MPPED2: variants seen among roughly 807,000 people sequenced by gnomAD.
The protein encoded by MPPED2 is metallophosphoesterase domain containing 2.
MPPED2 carries 5 observed loss-of-function variants against 33.0 expected under a neutral mutation model. The observed-to-expected ratio is 0.15, with a 90% CI of 0.08 to 0.32. The LOEUF (loss-of-function observed/expected upper bound fraction) is 0.32, where lower values mean the gene tolerates loss of function less well. Among genes scored for constraint, MPPED2 ranks in the 10% least tolerant of loss-of-function variants. The probability of loss-of-function intolerance (pLI) is 1.00; values close to 1 mark genes in which losing one functional copy is unlikely to be tolerated. For synonymous variants in MPPED2, 136 were observed against 141.9 expected (o/e 0.96, Z 0.29); for missense variants, 275 against 372.1 (o/e 0.74, Z 2.15).
intron 4 of MPPED2, among the ~76,000 whole-genome samples, chr11:30,440,314 C>T (rs1344290818): frequency 2.7e-5 from 4 of 147,826 alleles, no homozygotes; most frequent in Non-Finnish European, 6.0e-5. Context: ...TGGGTGACAG[C>T]GTGAGACTCC....
At chr11:30,501,587 C>T (rs1343665264) in intron 3 of MPPED2, 3 of 970,284 alleles carry the variant, frequency 3.1e-6, no homozygotes, top group Non-Finnish European at 3.7e-6. Context: ...AGTGGCCTCT[C>T]ATTCATGAAT....
intron 2 of MPPED2, among the ~76,000 whole-genome samples, chr11:30,552,560 T>C (rs544955304): frequency 5.9e-5 from 9 of 152,328 alleles, no homozygotes; most frequent in African/African-American, 2.2e-4. Context: ...CAAAATGTTA[T>C]ATTCTGGGTT....
chr11:30,391,191 G>A (rs1348047465), intron 6 of MPPED2, among the ~76,000 whole-genome samples: 2 of 152,134 alleles, frequency 1.3e-5, no homozygotes, highest in Non-Finnish European at 2.9e-5. Flanking sequence ...AGGCCCAGTG[G>A]CTTTGGGCCC....
chr11:30,419,863 G>GT (rs1948535241), intron 4 of MPPED2, among the ~76,000 whole-genome samples: 1 of 152,166 alleles, frequency 6.6e-6, no homozygotes, highest in Non-Finnish European at 1.5e-5. Flanking sequence ...AGAGAGGACT[G>GT]TAATGATGTT....
chr11:30,567,500 T>C (rs1956498345), intron 2 of MPPED2, among the ~76,000 whole-genome samples: 1 of 152,156 alleles, frequency 6.6e-6, no homozygotes, highest in Admixed American at 6.6e-5. Context: ...GGTGCTTTTT[T>C]TCCAGCTCCC....
At chr11:30,465,405 A>G (rs1306535323) in intron 4 of MPPED2, among the ~76,000 whole-genome samples, 1 of 152,146 alleles carries the variant, frequency 6.6e-6, no homozygotes, top group Non-Finnish European at 1.5e-5. Context: ...CTCCCAACTC[A>G]GCTTCCTGAA....
chr11:30,402,101 T>C (rs894529618), intron 6 of MPPED2, among the ~76,000 whole-genome samples: 9 of 152,120 alleles, frequency 5.9e-5, no homozygotes, highest in Middle Eastern at 3.2e-3. Context: ...CTCTACTGAA[T>C]TGCTTTTAAC....
intron 6 of MPPED2, among the ~76,000 whole-genome samples, chr11:30,400,602 A>G (rs750697520): frequency 1.3e-5 from 2 of 152,234 alleles, no homozygotes; most frequent in African/African-American, 2.4e-5. Flanking sequence ...CTGTCATGAG[A>G]CATCATCCAA....
chr11:30,537,732 CA>C (rs1363078454), intron 2 of MPPED2, among the ~76,000 whole-genome samples: 1 of 151,952 alleles, frequency 6.6e-6, no homozygotes. Flanking sequence ...ATTGGAAGCC[CA>C]AAAAGAAAGT....
At chr11:30,571,600 T>C (rs1413925615) in intron 2 of MPPED2, among the ~76,000 whole-genome samples, 1 of 152,166 alleles carries the variant, frequency 6.6e-6, no homozygotes, top group Non-Finnish European at 1.5e-5. Flanking sequence ...CTTAAACATC[T>C]AGTTTCCAGT....
At chr11:30,490,654 T>G (rs1426183858) in intron 4 of MPPED2, among the ~76,000 whole-genome samples, 2 of 152,100 alleles carry the variant, frequency 1.3e-5, no homozygotes, top group Non-Finnish European at 2.9e-5. Flanking sequence ...TAGTAAGTAC[T>G]ACAGAACATT....
chr11:30,452,160 C>T (rs1565081016), intron 4 of MPPED2: 1 of 901,998 alleles, frequency 1.1e-6, no homozygotes, highest in East Asian at 1.2e-4. Context: ...CTGCCTAAGA[C>T]TAAACTCCAA....
intron 2 of MPPED2, among the ~76,000 whole-genome samples, chr11:30,579,666 G>A (rs1957080658): frequency 6.6e-6 from 1 of 152,082 alleles, no homozygotes; most frequent in Non-Finnish European, 1.5e-5. Flanking sequence ...CTGTTCCACT[G>A]TCCCTTATTC....
intron 2 of MPPED2, among the ~76,000 whole-genome samples, chr11:30,537,630 C>T (rs779505894): frequency 4.0e-5 from 6 of 151,810 alleles, no homozygotes; most frequent in African/African-American, 7.3e-5. Context: ...TTATCTGTGT[C>T]GGAGAAGGAA....
intron 2 of MPPED2, among the ~76,000 whole-genome samples, chr11:30,565,909 TCAA>T (rs1956421576): frequency 6.6e-6 from 1 of 152,206 alleles, no homozygotes; most frequent in South Asian, 2.1e-4. Context: ...AGAATGGTTT[TCAA>T]CCACTGCCAT....
In MPPED2 at chr11:30,494,742, A is replaced by G. The variant is rs1294948380; in HGVS notation, c.536+554T>C. Among the ~76,000 whole-genome samples, 3 of 143,132 alleles carry G rather than the reference A, an allele frequency of 2.1e-5. No individual in the cohort carries two copies. The East Asian group carries it at 5.8e-4, about 28-fold the overall frequency. 93.9% of individuals were successfully genotyped at this position (143,132 alleles called of 152,430 possible). On this transcript the variant is annotated intron_variant, in intron 4 of 6. Transcript: ENST00000358117. ...AACAGAGAGATACTCCACCTCAAAA[A>G]AAAAAAAAAAAAAAAAAAGAAAGAA...
rs925896867 is a variant in MPPED2 at position 30,532,965 on chromosome 11, C to T, written c.310+3029G>A. On this transcript the variant is annotated intron_variant, in intron 3 of 6. Transcript: ENST00000358117. ...AGGGTGAGATTTAAGATGGGCAGAG[C>T]TTAAACACATCTTTCAAATACGTGC... Among the ~76,000 whole-genome samples the T allele has an allele frequency of 2.0e-5, 3 of 152,184 alleles. No homozygotes were observed. In the South Asian group the frequency reaches 6.2e-4, roughly 32 times the overall value.
intron 3 of MPPED2, among the ~76,000 whole-genome samples, chr11:30,508,281 G>A (rs935322905): frequency 1.3e-5 from 2 of 152,134 alleles, no homozygotes; most frequent in Non-Finnish European, 2.9e-5. Flanking sequence ...TTTAAAAAAT[G>A]TGTTTGTTCT....
At chr11:30,396,114 G>T (rs2133701590) in intron 6 of MPPED2, among the ~76,000 whole-genome samples, 1 of 152,262 alleles carries the variant, frequency 6.6e-6, no homozygotes, top group South Asian at 2.1e-4. Context: ...TTGGGCTTTT[G>T]CTATTCACAA....
Sources: allele counts gnomAD v4.1 joint callset (sites outside exome capture counted in the v4.1 genomes callset), GRCh38; gene constraint gnomAD v4.1.1; transcripts MANE v1.5; gene names NCBI Gene and HGNC (gene_info 2026-07-23, HGNC 2026-07-21).